Variants in ME3 observed in about 807,000 individuals in gnomAD.
ME3 encodes malic enzyme 3.
A neutral mutation model predicts 68.9 loss-of-function variants in ME3; 48 were observed. The ratio of observed to expected loss-of-function variants is 0.70; its 90% CI spans 0.55 to 0.89. The LOEUF (loss-of-function observed/expected upper bound fraction) is 0.89, where lower values mean the gene tolerates loss of function less well. Among genes scored for constraint, ME3 ranks in the 40% least tolerant of loss-of-function variants. ME3 has a pLI of 0.00. For synonymous variants in ME3, 320 were observed against 318.8 expected (o/e 1.00, Z -0.04); for missense variants, 675 against 797.4 (o/e 0.85, Z 1.85).
intron 2 of ME3, among the ~76,000 whole-genome samples, chr11:86,632,102 C>A (rs1163528488): frequency 1.3e-5 from 2 of 152,210 alleles, no homozygotes; most frequent in Non-Finnish European, 2.9e-5. Flanking sequence ...AGGCTAAGTA[C>A]CTTGTCCATG....
intron 2 of ME3, among the ~76,000 whole-genome samples, chr11:86,628,705 G>A (rs112200543): frequency 8.1e-4 from 124 of 152,222 alleles, no homozygotes; most frequent in African/African-American, 2.8e-3. Flanking sequence ...CTCCTTTCTA[G>A]GTAATGGGTT....
At chr11:86,560,704 ATGTGTGTG>A (rs71040244) in intron 2 of ME3, among the ~76,000 whole-genome samples, 181 of 101,614 alleles carry the variant, frequency 1.8e-3, no homozygotes, top group African/African-American at 6.9e-3. Flanking sequence ...ATATAATGAT[ATGTGTGTG>A]TGTGTGTGTG....
At chr11:86,656,794 G>T (rs1446221690) in intron 2 of ME3, among the ~76,000 whole-genome samples, 1 of 151,794 alleles carries the variant, frequency 6.6e-6, no homozygotes, top group East Asian at 1.9e-4. Flanking sequence ...CCATCAAAAA[G>T]TGGGTAAAGG....
rs143596092 is a variant in ME3, at chr11:86,571,798, A to G, written c.184-11975T>C. On this transcript the variant is annotated intron_variant, in intron 2 of 14. Transcript: ENST00000543262. The stretch of plus-strand genomic sequence containing the variant: ...GGAGTAAGCTGGGGAGGGCAGGGTA[A>G]ATAGGAGTTAGAGATTAACGTAATG... Among the ~76,000 whole-genome samples, 3 of 152,308 alleles carry G rather than the reference A, an allele frequency of 2.0e-5. No homozygotes were observed. The East Asian group carries it at 5.8e-4, about 29-fold the overall frequency.
intron 2 of ME3, among the ~76,000 whole-genome samples, chr11:86,631,308 A>G (rs1057109102): frequency 2.6e-5 from 4 of 152,136 alleles, no homozygotes; most frequent in Non-Finnish European, 5.9e-5. Context: ...TTCTCTGCAC[A>G]TTAATGTCTT....
intron 2 of ME3, among the ~76,000 whole-genome samples, chr11:86,579,495 T>A (rs2139599576): frequency 6.6e-6 from 1 of 152,314 alleles, no homozygotes; most frequent in South Asian, 2.1e-4. Context: ...CCAAGCTCCC[T>A]GAGTGTCATG....
Position 86,669,437 on chromosome 11 carries a change from A to G in ME3, c.183+2325T>C, listed in dbSNP as rs115755147. On this transcript the variant is annotated intron_variant, in intron 2 of 14. Transcript: ENST00000543262. ...TAAGGAAAAGAGGTTTGATTGACTC[A>G]CAGTTCCACATGGCTGGAAAGGTCT... is the stretch of plus-strand genomic sequence containing the variant. Among the ~76,000 whole-genome samples, 595 of 152,334 alleles carry G rather than the reference A, an allele frequency of 3.9e-3. 1 individual carries two copies. Among genetic ancestry groups the G allele is most frequent in the African/African-American group, 0.014 (580 of 41,566 alleles).
intron 4 of ME3, among the ~76,000 whole-genome samples, chr11:86,523,556 C>A (rs912437034): frequency 2.0e-5 from 3 of 151,990 alleles, no homozygotes; most frequent in Non-Finnish European, 2.9e-5. Flanking sequence ...TTGCTCTATC[C>A]TCTTTTTTGA....
At chr11:86,616,882 A>G (rs943129029) in intron 2 of ME3, among the ~76,000 whole-genome samples, 19 of 152,158 alleles carry the variant, frequency 1.2e-4, no homozygotes, top group African/African-American at 4.6e-4. Context: ...TCTGGAGTTT[A>G]GTTCATAGTC....
intron 4 of ME3, among the ~76,000 whole-genome samples, chr11:86,535,580 T>C (rs1044362881): frequency 1.3e-5 from 2 of 152,178 alleles, no homozygotes; most frequent in Non-Finnish European, 2.9e-5. Context: ...AACAGAAACT[T>C]TTTGAAAGTA....
At chr11:86,451,997 T>C (rs1037248665) in intron 8 of ME3, among the ~76,000 whole-genome samples, 3 of 152,180 alleles carry the variant, frequency 2.0e-5, no homozygotes, top group African/African-American at 7.2e-5. Flanking sequence ...GATAATGAGC[T>C]TCTGTTTTAT....
chr11:86,473,228 G>A (rs1950877513), intron 7 of ME3, among the ~76,000 whole-genome samples: 1 of 152,230 alleles, frequency 6.6e-6, no homozygotes, highest in African/African-American at 2.4e-5. Context: ...CACGCAATGG[G>A]CCGTGGTCGG....
chr11:86,525,838 G>C (rs184163023), intron 4 of ME3, among the ~76,000 whole-genome samples: 51 of 144,014 alleles, frequency 3.5e-4, no homozygotes, highest in African/African-American at 1.3e-3. Flanking sequence ...CTCCAGCCTG[G>C]GCAACAAGGG....
intron 7 of ME3, among the ~76,000 whole-genome samples, chr11:86,475,331 T>G (rs1377586749): frequency 6.6e-6 from 1 of 152,198 alleles, no homozygotes; most frequent in Non-Finnish European, 1.5e-5. Flanking sequence ...ATATACCTTC[T>G]CCCGCTTTGC....
chr11:86,448,542 G>T (rs1352573082), intron 10 of ME3, among the ~76,000 whole-genome samples: 2 of 152,118 alleles, frequency 1.3e-5, no homozygotes, highest in African/African-American at 2.4e-5. Flanking sequence ...GGCTTCCTGG[G>T]CCAGGACAGA....
At chr11:86,485,077 C>T (rs1280686642) in intron 7 of ME3, among the ~76,000 whole-genome samples, 3 of 152,214 alleles carry the variant, frequency 2.0e-5, no homozygotes, top group African/African-American at 7.2e-5. Flanking sequence ...CTCATTCCCA[C>T]AGACAGTCCA....
intron 2 of ME3, among the ~76,000 whole-genome samples, chr11:86,644,154 T>A (rs480290): frequency 3.3e-5 from 5 of 152,248 alleles, no homozygotes; most frequent in East Asian, 1.9e-4. Flanking sequence ...AAGAACACAG[T>A]GGGGCAGCCC....
intron 4 of ME3, among the ~76,000 whole-genome samples, chr11:86,520,216 T>C (rs541656282): frequency 8.5e-4 from 129 of 152,164 alleles, no homozygotes; most frequent in Non-Finnish European, 1.5e-3. Context: ...AGCCCAGGTG[T>C]AAAGGTGTGG....
intron 2 of ME3, among the ~76,000 whole-genome samples, chr11:86,633,364 A>G (rs1294540359): frequency 6.6e-6 from 1 of 152,210 alleles, no homozygotes; most frequent in African/African-American, 2.4e-5. Flanking sequence ...GTAGATCAGG[A>G]AACTGAGCAC....
Sources: gnomAD v4.1 joint callset for allele counts (sites outside exome capture counted in the v4.1 genomes callset) on GRCh38, gnomAD v4.1.1 for gene constraint, MANE v1.5 for transcripts, NCBI Gene and HGNC (gene_info 2026-07-23, HGNC 2026-07-21) for gene names.